WDR59: variants seen among roughly 807,000 people sequenced by gnomAD.
WDR59 encodes the protein WD repeat domain 59, also known as GATOR2 complex protein WDR59.
In WDR59, 100 loss-of-function variants were observed where a neutral mutation model predicts 131.2. The observed-to-expected ratio is 0.76, with a 90% CI of 0.65 to 0.90. The LOEUF (loss-of-function observed/expected upper bound fraction) is 0.90, where lower values mean the gene tolerates loss of function less well. Among genes scored for constraint, WDR59 ranks in the 40% least tolerant of loss-of-function variants. The pLI, the probability that WDR59 is intolerant of heterozygous loss-of-function variation, is 0.00. For synonymous variants in WDR59, 601 were observed against 466.2 expected (o/e 1.29, Z -3.72); for missense variants, 1,203 against 1,262.2 (o/e 0.95, Z 0.71).
At chr16:74,909,740 C>T in intron 15 of WDR59, 82 bp downstream of exon 15, 1 of 1,568,050 alleles carries the variant, frequency 6.4e-7, no homozygotes, top group Non-Finnish European at 8.6e-7. Context: ...ATGACAAAAC[C>T]AGAAAACCCA....
chr16:74,983,912 G>A (rs540368083), intron 1 of WDR59, among the ~76,000 whole-genome samples: 11 of 152,112 alleles, frequency 7.2e-5, no homozygotes, highest in Admixed American at 2.6e-4. Context: ...CCAGGAGGTC[G>A]AAGCTGAACT....
intron 2 of WDR59, among the ~76,000 whole-genome samples, chr16:74,961,129 G>C (rs897242135): frequency 6.8e-6 from 1 of 146,054 alleles, no homozygotes; most frequent in African/African-American, 2.5e-5. Flanking sequence ...AACACAGGGA[G>C]ACCCTGTCTC....
At chr16:74,909,757 T>C in intron 15 of WDR59, 65 bp downstream of exon 15, 1 of 1,583,380 alleles carries the variant, frequency 6.3e-7, no homozygotes, top group African/African-American at 1.4e-5. Flanking sequence ...CCCATGATTT[T>C]AGGGAGAAAG....
intron 8 of WDR59, among the ~76,000 whole-genome samples, chr16:74,926,163 G>T (rs1056011173): frequency 6.6e-5 from 10 of 150,646 alleles, no homozygotes; most frequent in Admixed American, 2.0e-4. Context: ...AGGTTCAAGC[G>T]ATTCTCCTGC....
intron 11 of WDR59, among the ~76,000 whole-genome samples, chr16:74,917,654 C>CA (rs1966454221): frequency 6.6e-6 from 1 of 151,598 alleles, no homozygotes; most frequent in Non-Finnish European, 1.5e-5. Context: ...ACTAAAAATA[C>CA]AAAAATTAGC....
intron 18 of WDR59, among the ~76,000 whole-genome samples, chr16:74,896,621 C>A (rs1009163836): frequency 7.0e-6 from 1 of 143,678 alleles, no homozygotes; most frequent in Non-Finnish European, 1.5e-5. Context: ...GGCAACAGAG[C>A]AAGACCCTGC....
At chr16:74,881,697 A>C (rs1016576578) in intron 25 of WDR59, among the ~76,000 whole-genome samples, 3 of 151,192 alleles carry the variant, frequency 2.0e-5, no homozygotes, top group African/African-American at 7.3e-5. Context: ...ACATGGTGAA[A>C]CCGTGTCTCT....
intron 13 of WDR59, among the ~76,000 whole-genome samples, chr16:74,913,072 G>T (rs1239197345): frequency 0.018 from 12 of 668 alleles, no homozygotes; most frequent in African/African-American, 0.058. Context: ...CTAGATTTTG[G>T]GGGGGGGGGG....
chr16:74,892,771 C>T (rs142201405), intron 19 of WDR59, among the ~76,000 whole-genome samples: 5 of 152,308 alleles, frequency 3.3e-5, no homozygotes, highest in African/African-American at 7.2e-5. Context: ...GGGTTCCAGC[C>T]TGGGGAACTT....
rs1965978736 is a variant in WDR59 at position 74,909,530 on chromosome 16, C to A, written c.1613G>T (p.Arg538Met). 6.3e-7 allele frequency: 1 copy of A among 1,597,748 alleles called. No homozygotes were observed. Among genetic ancestry groups the A allele is most frequent in the South Asian group, 1.1e-5 (1 of 88,276 alleles). ...TCCGCAGAACCTGGCCCCAGAAGTC[C>A]TAGGAAAGGGAATGTTGGCGTCCTG... ...SYQDANIPFP[R>M]TSGARFCGAG... Residue 538 changes from arginine to methionine, a missense_variant, in exon 16 of 26, where the codon AGG becomes ATG. Arg to Met is a moderately conservative substitution (Grantham distance 91, BLOSUM62 -1). Transcript: ENST00000262144.
intron 3 of WDR59, among the ~76,000 whole-genome samples, 158 bp from the exon 4 acceptor site, chr16:74,951,701 A>G (rs2033008536): frequency 6.6e-6 from 1 of 152,208 alleles, no homozygotes; most frequent in Non-Finnish European, 1.5e-5. Context: ...AATAAGTACA[A>G]TTAACATTAG....
At chr16:74,969,908 T>A (rs938605135) in intron 1 of WDR59, among the ~76,000 whole-genome samples, 2 of 151,864 alleles carry the variant, frequency 1.3e-5, no homozygotes, top group Non-Finnish European at 2.9e-5. Flanking sequence ...CACCTCAGCC[T>A]GCTAATTTTT....
chr16:74,920,529 T>G (rs1169125190), intron 10 of WDR59, among the ~76,000 whole-genome samples: 1 of 152,180 alleles, frequency 6.6e-6, no homozygotes, highest in African/African-American at 2.4e-5. Context: ...GCCTCCGAAG[T>G]AGCTGGGACT....
At chr16:74,981,440 C>T (rs1403197840) in intron 1 of WDR59, among the ~76,000 whole-genome samples, 3 of 148,784 alleles carry the variant, frequency 2.0e-5, no homozygotes, top group Non-Finnish European at 4.5e-5. Context: ...CACCTGTATT[C>T]ACAGCTACTC....
chr16:74,966,133 C>G (rs1011676493), intron 1 of WDR59, among the ~76,000 whole-genome samples: 3 of 152,122 alleles, frequency 2.0e-5, no homozygotes, highest in Non-Finnish European at 2.9e-5. Flanking sequence ...AGGGCAGTTG[C>G]TACCTGTTAC....
chr16:74,946,936 G>A (rs544421901), intron 6 of WDR59, among the ~76,000 whole-genome samples: 1 of 130,282 alleles, frequency 7.7e-6, no homozygotes, highest in African/African-American at 2.5e-5. Context: ...TTAAGAGACA[G>A]ATAACACATG....
At chr16:74,914,734 C>T (rs1270071550) in intron 13 of WDR59, among the ~76,000 whole-genome samples, 1 of 151,916 alleles carries the variant, frequency 6.6e-6, no homozygotes, top group African/African-American at 2.4e-5. Context: ...GCCGGGACTA[C>T]AGGCGCACGC....
At chr16:74,949,947 C>T in intron 4 of WDR59, 149 bp from the exon 5 acceptor site, 1 of 749,474 alleles carries the variant, frequency 1.3e-6, no homozygotes, top group Non-Finnish European at 2.4e-6. Flanking sequence ...CTCCAAAGTT[C>T]CTTGGGAACG....
intron 17 of WDR59, among the ~76,000 whole-genome samples, chr16:74,905,424 G>A (rs1216097897): frequency 2.0e-5 from 3 of 150,218 alleles, no homozygotes; most frequent in African/African-American, 4.9e-5. Context: ...GCTCACGCTC[G>A]TAATCCCAGC....
Sources: gnomAD v4.1 joint callset for allele counts (sites outside exome capture counted in the v4.1 genomes callset) on GRCh38, gnomAD v4.1.1 for gene constraint, MANE v1.5 for transcripts, NCBI Gene and HGNC (gene_info 2026-07-23, HGNC 2026-07-21) for gene names.